Variants in WDPCP observed in about 807,000 individuals in gnomAD.
WDPCP encodes WD repeat-containing and planar cell polarity effector protein fritz homolog.
A neutral mutation model predicts 93.1 loss-of-function variants in WDPCP; 71 were observed. The ratio of observed to expected loss-of-function variants is 0.76; its 90% CI spans 0.63 to 0.93. The LOEUF (loss-of-function observed/expected upper bound fraction) is 0.93, where lower values mean the gene tolerates loss of function less well. Among genes scored for constraint, WDPCP ranks in the 40% least tolerant of loss-of-function variants. The pLI is 0.00. For synonymous variants in WDPCP, 315 were observed against 315.0 expected (o/e 1.00, Z 0.00); for missense variants, 844 against 887.4 (o/e 0.95, Z 0.62).
intron 12 of WDPCP, among the ~76,000 whole-genome samples, chr2:63,374,216 T>A (rs1011299941): frequency 2.6e-5 from 4 of 152,128 alleles, no homozygotes; most frequent in Admixed American, 6.6e-5. Flanking sequence ...TCTCCTATCC[T>A]CTGAGTACAC....
At chr2:63,809,218 C>T (rs1670821900) in intron 2 of WDPCP, among the ~76,000 whole-genome samples, 1 of 151,984 alleles carries the variant, frequency 6.6e-6, no homozygotes. Flanking sequence ...AGGGGCGCCT[C>T]TGCCCGGCTG....
At chr2:63,363,249 G>A (rs1180176856) in intron 12 of WDPCP, among the ~76,000 whole-genome samples, 1 of 152,016 alleles carries the variant, frequency 6.6e-6, no homozygotes, top group Non-Finnish European at 1.5e-5. Flanking sequence ...CAGATGGAAG[G>A]ATACGAAGGG....
intron 12 of WDPCP, among the ~76,000 whole-genome samples, chr2:63,316,799 C>T (rs1158602871): frequency 2.0e-5 from 3 of 151,996 alleles, no homozygotes; most frequent in Non-Finnish European, 4.4e-5. Flanking sequence ...CTACAAAATC[C>T]CATAGTCTCT....
At chr2:63,429,174 C>T (rs1034628041) in intron 9 of WDPCP, among the ~76,000 whole-genome samples, 3 of 151,968 alleles carry the variant, frequency 2.0e-5, no homozygotes, top group Non-Finnish European at 4.4e-5. Context: ...AATTAATTCA[C>T]GATTAAATTA....
chr2:63,628,747 A>C (rs1391037307), intron 3 of WDPCP, among the ~76,000 whole-genome samples: 1 of 152,216 alleles, frequency 6.6e-6, no homozygotes, highest in Non-Finnish European at 1.5e-5. Flanking sequence ...TCAACTTTTT[A>C]ATAGACAATC....
chr2:63,535,421 G>A (rs1380431064), intron 1 of WDPCP, among the ~76,000 whole-genome samples: 1 of 152,162 alleles, frequency 6.6e-6, no homozygotes, highest in African/African-American at 2.4e-5. Flanking sequence ...TAAGCCAAAA[G>A]AACAGAGCTG....
intron 13 of WDPCP, among the ~76,000 whole-genome samples, chr2:63,303,982 A>AC (rs1350601925): frequency 1.3e-5 from 2 of 151,702 alleles, no homozygotes; most frequent in Middle Eastern, 3.4e-3. Context: ...AAAAAAAAAA[A>AC]AAAACAGATG....
At chr2:63,497,888 G>A (rs1338520812) in intron 1 of WDPCP, among the ~76,000 whole-genome samples, 1 of 152,124 alleles carries the variant, frequency 6.6e-6, no homozygotes, top group Non-Finnish European at 1.5e-5. Context: ...TTTTCAGAAG[G>A]GGGTGCGGGC....
intron 17 of WDPCP, among the ~76,000 whole-genome samples, chr2:63,140,690 T>C (rs955250219): frequency 3.3e-5 from 5 of 152,200 alleles, no homozygotes; most frequent in African/African-American, 1.2e-4. Context: ...TGAATTCTTT[T>C]ATCAGTTCTA....
intron 1 of WDPCP, among the ~76,000 whole-genome samples, chr2:63,575,766 CAT>C (rs1256867686): frequency 5.9e-5 from 9 of 151,444 alleles, no homozygotes; most frequent in South Asian, 2.1e-4. Context: ...TATACAAACA[CAT>C]GTGTGCGTAT....
chr2:63,537,829 G>C (rs1023820), intron 1 of WDPCP, among the ~76,000 whole-genome samples: 122,557 of 152,156 alleles, frequency 0.81, 50,009 homozygotes, highest in East Asian at 0.98. Context: ...TTTGTCTCCT[G>C]CACAAAACTG....
chr2:63,797,506 C>T (rs1482768781), intron 2 of WDPCP, among the ~76,000 whole-genome samples: 1 of 151,408 alleles, frequency 6.6e-6, no homozygotes, highest in Non-Finnish European at 1.5e-5. Context: ...ACAAACTGAC[C>T]AAAGATTTTT....
At chr2:63,668,248 C>G (rs1157729273) in intron 2 of WDPCP, among the ~76,000 whole-genome samples, 4 of 152,116 alleles carry the variant, frequency 2.6e-5, no homozygotes, top group African/African-American at 7.2e-5. Flanking sequence ...GGGGTCATCT[C>G]TAACTCTCTC....
At chr2:63,284,316 C>G (rs1683818158) in intron 13 of WDPCP, among the ~76,000 whole-genome samples, 1 of 152,134 alleles carries the variant, frequency 6.6e-6, no homozygotes, top group Admixed American at 6.5e-5. Context: ...CAGTGGATGC[C>G]TGAAAGCATG....
chr2:63,500,810 T>G (rs1185690673), intron 1 of WDPCP, among the ~76,000 whole-genome samples: 1 of 152,214 alleles, frequency 6.6e-6, no homozygotes, highest in Non-Finnish European at 1.5e-5. Context: ...GTGCTGAGCA[T>G]TATTAGTGAG....
chr2:63,264,410 C>A (rs527831078), intron 13 of WDPCP, among the ~76,000 whole-genome samples: 1 of 152,128 alleles, frequency 6.6e-6, no homozygotes, highest in Non-Finnish European at 1.5e-5. Context: ...GAGGCCGAGG[C>A]GGGTGGATCA....
intron 14 of WDPCP, among the ~76,000 whole-genome samples, chr2:63,213,821 C>A (rs554371261): frequency 1.3e-5 from 2 of 152,100 alleles, no homozygotes; most frequent in East Asian, 3.9e-4. Flanking sequence ...ATACAAACTA[C>A]CCTCAGAGAA....
chr2:63,278,202 C>A (rs1683226207), intron 13 of WDPCP, among the ~76,000 whole-genome samples: 1 of 152,140 alleles, frequency 6.6e-6, no homozygotes, highest in Non-Finnish European at 1.5e-5. Context: ...TTTAAAAATT[C>A]TTTGAACTGA....
intron 12 of WDPCP, among the ~76,000 whole-genome samples, chr2:63,353,728 C>T (rs943177119): frequency 7.2e-5 from 11 of 152,248 alleles, no homozygotes; most frequent in South Asian, 2.1e-4. Flanking sequence ...GCAACAGCAC[C>T]GTATGTCCCT....
Sources: allele counts gnomAD v4.1 joint callset (sites outside exome capture counted in the v4.1 genomes callset), GRCh38; gene constraint gnomAD v4.1.1; transcripts MANE v1.5; gene names NCBI Gene and HGNC (gene_info 2026-07-23, HGNC 2026-07-21).